The following QDPR variants were observed in gnomAD, a reference collection of about 807,000 sequenced individuals.
QDPR encodes the protein quinoid dihydropteridine reductase, also known as dihydropteridine reductase.
In QDPR, 23 loss-of-function variants were observed where a neutral mutation model predicts 31.7. The observed-to-expected ratio is 0.73, with a 90% CI of 0.52 to 1.03. QDPR has a LOEUF of 1.03. Ranked by LOEUF, QDPR falls within the 50% of genes least tolerant of loss-of-function variation. The pLI, the probability that QDPR is intolerant of heterozygous loss-of-function variation, is 0.00. For missense variants in QDPR, 324 were observed against 323.8 expected (o/e 1.00, Z 0.00); for synonymous variants, 124 against 124.7 (o/e 0.99, Z 0.03).
chr4:17,502,982 A>G (rs77543071), intron 3 of QDPR, among the ~76,000 whole-genome samples: 6,614 of 152,334 alleles, frequency 0.043, 185 homozygotes, highest in African/African-American at 0.075. Context: ...GCAAGCTGCC[A>G]TGCTGAGCTT....
At chr4:17,509,198 G>A (rs1466377950) in intron 2 of QDPR, 73 bp downstream of exon 2, 2 of 1,157,422 alleles carry the variant, frequency 1.7e-6, no homozygotes, top group Non-Finnish European at 2.6e-6. Flanking sequence ...ACAGCCAAAG[G>A]AAGAACATAC....
At chr4:17,504,513 G>C (rs756693548) in intron 2 of QDPR, 38 bp from the exon 3 acceptor site, 1 of 1,517,788 alleles carries the variant, frequency 6.6e-7, no homozygotes, top group Admixed American at 1.7e-5. Context: ...AAACTGTAAG[G>C]TAAGCCAACA....
rs776196072 is a variant in QDPR at position 17,492,194 on chromosome 4, C to T, written c.545+38G>A. On this transcript the variant is annotated intron_variant, in intron 5 of 6. Transcript: ENST00000281243. ...CAAACGGTCACCTGCAGCAGTGGGGCAGAGGTGGGCAGCAGCCAGGGAACC... is the reference window on the plus strand; with the variant it reads ...CAAACGGTCACCTGCAGCAGTGGGGTAGAGGTGGGCAGCAGCCAGGGAACC... 3.2e-6 allele frequency: 5 copies of T among 1,556,622 alleles called. No homozygotes were observed. In the African/African-American group the frequency reaches 6.8e-5, roughly 21 times the overall value.
rs138517756 is a variant in QDPR at position 17,503,100 on chromosome 4, G to A, written c.296-1241C>T. 3.6e-3 allele frequency among the ~76,000 whole-genome samples: 549 copies of A among 152,246 alleles called. 2 individuals are homozygous for A. The highest frequency in any genetic ancestry group is 0.013 in the African/African-American group (527 of 41,554). ...TCTCTAGACCCAAATTCCAGTTCAC[G>A]GGGAATACCAAGGATAGAGGAACAA... On this transcript the variant is annotated intron_variant, in intron 3 of 6. Transcript: ENST00000281243.
chr4:17,511,979 A>G lies in QDPR; in HGVS notation c.76T>C (p.Cys26Arg). Residue 26 changes from cysteine (C) to arginine (R), a missense_variant, in exon 1 of 7, where the codon TGC becomes CGC. By Grantham distance (180) the Cys-to-Arg change is radical (BLOSUM62 -3). Coordinates refer to ENST00000281243, the MANE Select transcript of QDPR (RefSeq NM_000320.3). Reference sequence around the variant, plus strand: ...TTGCGGGCCCGAAAAGCCTGCACGCATCGAGAACCCAGAGCGCCCCTGCCG... The same window carrying G: ...TTGCGGGCCCGAAAAGCCTGCACGCGTCGAGAACCCAGAGCGCCCCTGCCG... ...YGGRGALGSR[C>R]VQAFRARNWW... 1 of 1,610,672 alleles carries G rather than the reference A, an allele frequency of 6.2e-7. No individual in the cohort carries two copies.
At chr4:17,495,097 A>G (rs1718304789) in intron 4 of QDPR, among the ~76,000 whole-genome samples, 1 of 152,106 alleles carries the variant, frequency 6.6e-6, no homozygotes, top group African/African-American at 2.4e-5. Context: ...ATCATTATTC[A>G]TATTATCATA....
At chr4:17,488,902 G>A (rs1314850747) in intron 6 of QDPR, among the ~76,000 whole-genome samples, 2 of 152,234 alleles carry the variant, frequency 1.3e-5, no homozygotes, top group East Asian at 1.9e-4. Flanking sequence ...CATCTCTGGG[G>A]ACAGGGTAGG....
At position 17,507,238 on chromosome 4, in the gene QDPR, G is replaced by C. The variant is rs543542761; in HGVS notation, c.198+2033C>G. On this transcript the variant is annotated intron_variant, in intron 2 of 6. Coordinates refer to ENST00000281243, the MANE Select transcript of QDPR (RefSeq NM_000320.3). ...CCTATGATCCTGACTCCACCACTGA[G>C]TAGCTTGTTGGCCTTGTCACTTAGT... Among the ~76,000 whole-genome samples the C allele has an allele frequency of 3.3e-5, 5 of 152,314 alleles. No homozygotes were observed. In the East Asian group the frequency reaches 9.7e-4, roughly 29 times the overall value.
Position 17,495,630 on chromosome 4 carries a change from C to T in QDPR, c.437-3290G>A, listed in dbSNP as rs187239855. On this transcript the variant is annotated intron_variant, in intron 4 of 6. Coordinates refer to ENST00000281243, the MANE Select transcript of QDPR (RefSeq NM_000320.3). ...TAAACTCGAAAGGGCTCTTTCATTC[C>T]CAGAAGAATGTAAGTTCCACAGAGG... 1.1e-4 allele frequency among the ~76,000 whole-genome samples: 17 copies of T among 152,130 alleles called. 1 individual carries two copies. Among genetic ancestry groups the T allele is most frequent in the Admixed American group, 7.9e-4 (12 of 15,274 alleles).
intron 6 of QDPR, among the ~76,000 whole-genome samples, chr4:17,488,508 A>C (rs1718049689): frequency 6.6e-6 from 1 of 152,214 alleles, no homozygotes; most frequent in Admixed American, 6.5e-5. Flanking sequence ...CCTTTCACAA[A>C]TCTGAGGAGA....
rs3733573 is a variant in QDPR at position 17,501,938 on chromosome 4, T to G, written c.296-79A>C. The G allele has an allele frequency of 1.9e-6, 3 of 1,587,818 alleles. No individual in the cohort carries two copies. The East Asian group carries it at 6.7e-5, about 36-fold the overall frequency. On this transcript the variant is annotated intron_variant, in intron 3 of 6. Transcript: ENST00000281243. ...GAGCTCAACTCATGCAGCCCCACAC[T>G]CAGGGAGGCCCTCCCTCCTGGTCCC...
intron 2 of QDPR, among the ~76,000 whole-genome samples, chr4:17,506,800 T>C (rs560842029): frequency 1.3e-5 from 2 of 152,226 alleles, no homozygotes; most frequent in Non-Finnish European, 2.9e-5. Context: ...GTGAGAAAAA[T>C]AAGAACAACA....
chr4:17,492,294 G>A lies in QDPR; in HGVS notation c.483C>T (p.Cys161=). The part of the protein sequence containing the change: ...GMAKGAVHQL[C]QSLAGKNSGM... Reference sequence around the variant, plus strand: ...CGCTGTTCTTCCCAGCCAGGCTCTGGCAGAGCTGGTGAACAGCACCCTTGG... The same window carrying A: ...CGCTGTTCTTCCCAGCCAGGCTCTGACAGAGCTGGTGAACAGCACCCTTGG... The change falls in exon 5 of 7, where the codon TGC becomes TGT. Residue 161 remains cysteine, a synonymous_variant. Coordinates refer to ENST00000281243, the MANE Select transcript of QDPR (RefSeq NM_000320.3). 1 of 1,614,220 alleles carries A rather than the reference G, an allele frequency of 6.2e-7. No individual in the cohort carries two copies. Among genetic ancestry groups the A allele is most frequent in the South Asian group, 1.1e-5 (1 of 91,086 alleles).
In QDPR at chr4:17,509,494, T is replaced by C. The variant is rs568581386; in HGVS notation, c.106-131A>G. On this transcript the variant is annotated intron_variant, in intron 1 of 6. Transcript: ENST00000281243. Reference sequence around the variant, plus strand: ...GTAATGCCAGCACTTTGGGAGCCAATGTGGGAGGATCTCTTGAGGCCAAGA... The same window carrying C: ...GTAATGCCAGCACTTTGGGAGCCAACGTGGGAGGATCTCTTGAGGCCAAGA... 1.0e-4 allele frequency: 79 copies of C among 778,012 alleles called. 1 individual carries two copies. The South Asian group carries it at 1.1e-3, about 11-fold the overall frequency. 48.2% of individuals were successfully genotyped at this position (778,012 alleles called of 1,614,324 possible).
Position 17,486,757 on chromosome 4 carries a change from C to A in QDPR, c.*374G>T. ...ATAAACATGACATTCAAAAATAACT[C>A]AGCCTTTAAAATGTCCCCAATACCA... is the stretch of plus-strand genomic sequence containing the variant. On this transcript the variant is annotated 3_prime_UTR_variant, in exon 7 of 7. Transcript: ENST00000281243. 1 of 244,626 alleles carries A rather than the reference C, an allele frequency of 4.1e-6. No homozygotes were observed. The highest frequency in any genetic ancestry group is 6.3e-5 in the South Asian group (1 of 15,798). 15.2% of individuals were successfully genotyped at this position (244,626 alleles called of 1,614,324 possible). A position where few individuals can be genotyped will look rare whatever the true frequency, so the allele number is the denominator to read the frequency against.
chr4:17,489,034 T>C (rs1410611751), intron 6 of QDPR, among the ~76,000 whole-genome samples: 1 of 152,242 alleles, frequency 6.6e-6, no homozygotes, highest in Non-Finnish European at 1.5e-5. Flanking sequence ...AGGCTACATG[T>C]GCACAGCGTG....
In QDPR at chr4:17,487,210, T is replaced by TTCCCTGTGA. The variant is rs757385912; in HGVS notation, c.647_655dup (p.Ile216_Gly218dup). 53 of 1,614,062 alleles carry TTCCCTGTGA rather than the reference T, an allele frequency of 3.3e-5. No individual in the cohort carries two copies. The highest frequency in any genetic ancestry group is 2.2e-4 in the Admixed American group (13 of 60,006). On this transcript the variant is annotated inframe_insertion, in exon 7 of 7. Transcript: ENST00000281243. ...TAGGCTTCCTGAGCTCGGTCGGTTT[T>TTCCCTGTGA]TCCCTGTGATCCAGTCATGGAAAGT...
At chr4:17,510,573 A>G (rs1718969226) in intron 1 of QDPR, among the ~76,000 whole-genome samples, 1 of 152,246 alleles carries the variant, frequency 6.6e-6, no homozygotes, top group Non-Finnish European at 1.5e-5. Flanking sequence ...GCCCTCCCTA[A>G]GATGGCAGGA....
At chr4:17,505,223 G>GATCA (rs1718720625) in intron 2 of QDPR, among the ~76,000 whole-genome samples, 1 of 146,758 alleles carries the variant, frequency 6.8e-6, no homozygotes, top group Non-Finnish European at 1.5e-5. Context: ...GCTTCATTAA[G>GATCA]ATCAATCTTC....
Sources: gnomAD v4.1 joint callset for allele counts (sites outside exome capture counted in the v4.1 genomes callset) on GRCh38, gnomAD v4.1.1 for gene constraint, MANE v1.5 for transcripts, NCBI Gene and HGNC (gene_info 2026-07-23, HGNC 2026-07-21) for gene names.